KCTD19: variants seen among roughly 807,000 people sequenced by gnomAD.
The protein encoded by KCTD19 is BTB/POZ domain-containing protein KCTD19.
Under a neutral mutation model 103.5 loss-of-function variants are expected in KCTD19, and 67 were observed. The ratio of observed to expected loss-of-function variants is 0.65; its 90% CI spans 0.53 to 0.79. KCTD19 has a LOEUF of 0.79. Among genes scored for constraint, KCTD19 ranks in the 30% least tolerant of loss-of-function variants. KCTD19 has a pLI of 0.00. For synonymous variants in KCTD19, 439 were observed against 452.2 expected (o/e 0.97, Z 0.37); for missense variants, 980 against 1,136.1 (o/e 0.86, Z 1.98).
intron 2 of KCTD19, among the ~76,000 whole-genome samples, chr16:67,314,814 TATATATATATATATATAGAGAG>T (rs1485600535): frequency 1.1e-5 from 1 of 91,774 alleles, no homozygotes; most frequent in East Asian, 2.8e-4. Flanking sequence ...TATATATATA[TATATATATATATATATAGAGAG>T]AGAGAGAGAG....
chr16:67,304,532 C>T lies in KCTD19; in HGVS notation c.340G>A (p.Val114Ile), dbSNP rs370818591. The T allele has an allele frequency of 2.5e-5, 40 of 1,613,890 alleles. No individual in the cohort carries two copies. The Admixed American group carries it at 4.3e-4, about 17-fold the overall frequency. ...GCAACAGGTAGGTCTGCAGGCCGTA[C>T]GCGTAGATGGTGTTTCCCTTCCTTC... ...NLKEGKHHLR[V>I]RPADLPVAER... The change falls in exon 3 of 16, where the codon GTA becomes ATA. Residue 114 changes from valine to isoleucine, a missense_variant. Physicochemically the swap from Val to Ile is conservative, Grantham distance 29. Transcript: ENST00000304372.
intron 5 of KCTD19, chr16:67,299,785 T>A (rs1216555379): frequency 2.0e-5 from 11 of 559,674 alleles, no homozygotes; most frequent in Non-Finnish European, 3.4e-5. Flanking sequence ...TGTTGGGAGG[T>A]GAGTTGGGAG....
intron 5 of KCTD19, chr16:67,299,964 G>C (rs2036816190): frequency 5.1e-6 from 1 of 194,442 alleles, no homozygotes; most frequent in African/African-American, 2.3e-5. Context: ...TGTGTTACAG[G>C]CTTCCTGGAT....
chr16:67,304,160 G>A (rs1386302636), intron 3 of KCTD19, among the ~76,000 whole-genome samples: 3 of 152,224 alleles, frequency 2.0e-5, no homozygotes, highest in Non-Finnish European at 4.4e-5. Flanking sequence ...ATTCCCTGAT[G>A]AATAGGAGGG....
chr16:67,304,345 G>A (rs998807880), intron 3 of KCTD19, 76 bp downstream of exon 3: 1 of 1,443,384 alleles, frequency 6.9e-7, no homozygotes, highest in African/African-American at 1.4e-5. Context: ...CTCTCTGGAT[G>A]GAAGCCACTT....
At position 67,291,379 on chromosome 16, in the gene KCTD19, A is replaced by G. The variant is rs781380041; in HGVS notation, c.2495T>C (p.Met832Thr). 3.1e-6 allele frequency: 5 copies of G among 1,614,126 alleles called. No homozygotes were observed. Among genetic ancestry groups the G allele is most frequent in the Non-Finnish European group, 4.2e-6 (5 of 1,180,052 alleles). ...GGGGTCCTTTTGCCTGATGGAATCC[A>G]TGATGATGTCAGCCAGGAAGCAGTG... The part of the protein sequence containing the change: ...KCHCFLADII[M>T]DSIRQKDPKA... The change falls in exon 14 of 16, where the codon ATG becomes ACG. Residue 832 changes from methionine (M) to threonine (T), a missense_variant. Coordinates refer to ENST00000304372, the MANE Select transcript of KCTD19 (RefSeq NM_001100915.3).
chr16:67,304,306 AG>A, intron 3 of KCTD19, 114 bp downstream of exon 3: 1 of 1,022,810 alleles, frequency 9.8e-7, no homozygotes, highest in Non-Finnish European at 1.5e-6. Flanking sequence ...GAGATGACAG[AG>A]ACTGCCTCAG....
chr16:67,299,823 G>A (rs1344572605), intron 5 of KCTD19: 1 of 523,804 alleles, frequency 1.9e-6, no homozygotes, highest in African/African-American at 1.9e-5. Flanking sequence ...TGTATCACTA[G>A]CATCTGAATT....
In KCTD19 at chr16:67,323,931, C is replaced by T. The variant is rs148648603; in HGVS notation, c.3+2774G>A. Among the ~76,000 whole-genome samples the T allele has an allele frequency of 4.6e-4, 69 of 151,590 alleles. No individual in the cohort carries two copies. The highest frequency in any genetic ancestry group is 1.5e-3 in the African/African-American group (62 of 41,336). On this transcript the variant is annotated intron_variant, in intron 1 of 15. Transcript: ENST00000304372. This position sits in a 1 kb window ranked among gnomAD's most constrained non-coding sequence, Gnocchi z 4.1. Reference sequence around the variant, plus strand: ...ATGAGGTACTGTCCATTCCATGGAGCGCATGCAGAACTCTCTTGGGATCTT... The same window carrying T: ...ATGAGGTACTGTCCATTCCATGGAGTGCATGCAGAACTCTCTTGGGATCTT...
chr16:67,321,314 T>C (rs1409498690), intron 1 of KCTD19, among the ~76,000 whole-genome samples: 1 of 152,196 alleles, frequency 6.6e-6, no homozygotes, highest in Admixed American at 6.5e-5. Flanking sequence ...AACAATTCAA[T>C]TCCATTTACA....
intron 2 of KCTD19, among the ~76,000 whole-genome samples, chr16:67,313,504 G>A (rs973906988): frequency 6.6e-6 from 1 of 152,078 alleles, no homozygotes; most frequent in African/African-American, 2.4e-5. Flanking sequence ...TTAGCTCATG[G>A]GCTTTCCAAA....
intron 12 of KCTD19, 140 bp from the exon 13 acceptor site, chr16:67,291,977 G>A (rs1157466410): frequency 1.2e-5 from 6 of 512,092 alleles, no homozygotes; most frequent in Admixed American, 1.1e-4. Flanking sequence ...AGGTTCCAGC[G>A]ATTCTCCTGC....
intron 2 of KCTD19, 148 bp from the exon 3 acceptor site, chr16:67,304,719 A>T: frequency 1.6e-6 from 1 of 641,418 alleles, no homozygotes; most frequent in Non-Finnish European, 2.7e-6. Flanking sequence ...GCTGGAGTGC[A>T]GTGGTGCGAT....
At chr16:67,324,833 G>C (rs1416597129) in intron 1 of KCTD19, among the ~76,000 whole-genome samples, 1 of 152,202 alleles carries the variant, frequency 6.6e-6, no homozygotes, top group Non-Finnish European at 1.5e-5. Context: ...GGGGTAATAA[G>C]AGAAATATGA....
At chr16:67,306,879 C>T (rs988613674) in intron 2 of KCTD19, among the ~76,000 whole-genome samples, 1 of 152,146 alleles carries the variant, frequency 6.6e-6, no homozygotes, top group African/African-American at 2.4e-5. Context: ...CTGAATCCTT[C>T]CAATCTTCCC....
intron 15 of KCTD19, among the ~76,000 whole-genome samples, chr16:67,290,240 C>G (rs1186564687): frequency 7.4e-6 from 1 of 134,596 alleles, no homozygotes; most frequent in African/African-American, 2.8e-5. Context: ...TGCAGTGGCA[C>G]GATCTCGGCT....
intron 3 of KCTD19, among the ~76,000 whole-genome samples, 159 bp downstream of exon 3, chr16:67,304,262 T>C (rs2036867516): frequency 6.6e-6 from 1 of 152,002 alleles, no homozygotes; most frequent in Admixed American, 6.6e-5. Context: ...CAAGCAGCCA[T>C]GGAGAGGGCC....
intron 11 of KCTD19, 27 bp from the exon 12 acceptor site, chr16:67,294,198 T>C (rs1466147208): frequency 2.5e-6 from 4 of 1,583,290 alleles, no homozygotes; most frequent in Non-Finnish European, 3.4e-6. Flanking sequence ...ACAGTAACTC[T>C]GGATAGGTTG....
chr16:67,294,170 G>T lies in KCTD19; in HGVS notation c.1592C>A (p.Thr531Asn). ...LVEFSRDTKE[T>N]TAYMPVDFED... Reference sequence around the variant, plus strand: ...GAAGTCCACAGGCATGTAGGCTGTGGTCTGGGGAGGGAAGGGCACAGTAAC... The same window carrying T: ...GAAGTCCACAGGCATGTAGGCTGTGTTCTGGGGAGGGAAGGGCACAGTAAC... Residue 531 changes from threonine to asparagine, a missense_variant and splice_region_variant, in exon 12 of 16, where the codon ACC (threonine) becomes AAC (asparagine). Thr to Asn is a moderately conservative substitution (Grantham distance 65, BLOSUM62 0). Transcript: ENST00000304372. 3 of 1,598,118 alleles carry T rather than the reference G, an allele frequency of 1.9e-6. No homozygotes were observed. In the South Asian group the frequency reaches 3.3e-5, roughly 18 times the overall value.
Sources: allele counts gnomAD v4.1 joint callset (sites outside exome capture counted in the v4.1 genomes callset), GRCh38; gene constraint gnomAD v4.1.1; non-coding constraint Gnocchi (gnomAD v3.1); transcripts MANE v1.5; gene names NCBI Gene and HGNC (gene_info 2026-07-23, HGNC 2026-07-21).